The following RIC8B variants were observed in gnomAD, a reference collection of about 807,000 sequenced individuals.
The protein encoded by RIC8B is chaperone Ric-8B.
Under a neutral mutation model 57.5 loss-of-function variants are expected in RIC8B, and 16 were observed. The observed-to-expected ratio is 0.28, with a 90% CI of 0.19 to 0.42. The LOEUF (loss-of-function observed/expected upper bound fraction) is 0.42. RIC8B is among the 10% of genes least tolerant of loss of function. RIC8B has a pLI of 1.00. For missense variants in RIC8B, 481 were observed against 677.0 expected (o/e 0.71, Z 3.21); for synonymous variants, 216 against 250.8 (o/e 0.86, Z 1.31).
At chr12:106,849,942 T>TAGGGCAGGGGTCCCCAACCC (rs1267489593) in intron 6 of RIC8B, among the ~76,000 whole-genome samples, 2 of 152,212 alleles carry the variant, frequency 1.3e-5, no homozygotes, top group Non-Finnish European at 1.5e-5. Context: ...AGATATAATT[T>TAGGGCAGGGGTCCCCAACCC]AGGGCAGGGG....
chr12:106,813,509 A>G (rs2045434123), intron 2 of RIC8B, among the ~76,000 whole-genome samples: 1 of 152,124 alleles, frequency 6.6e-6, no homozygotes, highest in Non-Finnish European at 1.5e-5. Context: ...ATTTTATATA[A>G]GAGACTTGAG....
Position 106,774,694 on chromosome 12 carries a change from A to G in RIC8B, c.-52A>G. ...GCGGGGGCGCGAGGCGTTTACCTGG[A>G]GGCAGCGGCTTGGGCGCGCAGAGCG... On this transcript the variant is annotated 5_prime_UTR_variant, in exon 1 of 10. Coordinates refer to ENST00000392837, the MANE Select transcript of RIC8B (RefSeq NM_001330145.2). 2 of 1,454,624 alleles carry G rather than the reference A, an allele frequency of 1.4e-6. No homozygotes were observed. The highest frequency in any genetic ancestry group is 1.9e-6 in the Non-Finnish European group (2 of 1,062,748). The allele number at this position is 1,454,624 out of a possible 1,614,324, so 90.1% of individuals were successfully genotyped here.
chr12:106,879,535 A>G lies in RIC8B; in HGVS notation c.1572-6369A>G, dbSNP rs1950826939. 1.1e-5 allele frequency: 10 copies of G among 937,922 alleles called. No homozygotes were observed. Among genetic ancestry groups the G allele is most frequent in the South Asian group, 4.9e-5 (1 of 20,326 alleles). 58.1% of individuals were successfully genotyped at this position (937,922 alleles called of 1,614,324 possible). A position where few individuals can be genotyped will look rare whatever the true frequency, so the allele number is the denominator to read the frequency against. On this transcript the variant is annotated intron_variant, in intron 9 of 9. Coordinates refer to ENST00000392837, the MANE Select transcript of RIC8B (RefSeq NM_001330145.2). The surrounding 1 kb of genome is among the most constrained non-coding windows in gnomAD (Gnocchi z 4.9). ...CAGGAAAATGTTAAAATATATCTGG[A>G]AAAAAAAAACAGACCAGAATATTTT...
At chr12:106,846,433 A>G (rs896903032) in intron 6 of RIC8B, among the ~76,000 whole-genome samples, 1 of 152,166 alleles carries the variant, frequency 6.6e-6, no homozygotes, top group Non-Finnish European at 1.5e-5. Flanking sequence ...AAACACTAAT[A>G]GGTAGTGCTG....
intron 4 of RIC8B, among the ~76,000 whole-genome samples, chr12:106,842,132 G>GTT (rs1948980291): frequency 6.6e-6 from 1 of 152,086 alleles, no homozygotes. Flanking sequence ...ACCATATTTG[G>GTT]TTTATTGTTG....
At chr12:106,795,949 T>A (rs1181550951) in intron 2 of RIC8B, among the ~76,000 whole-genome samples, 1 of 152,186 alleles carries the variant, frequency 6.6e-6, no homozygotes. Flanking sequence ...ACTAAGGACA[T>A]AACTCATACT....
chr12:106,808,129 G>A (rs1361866254), intron 2 of RIC8B, among the ~76,000 whole-genome samples: 1 of 150,674 alleles, frequency 6.6e-6, no homozygotes, highest in African/African-American at 2.4e-5. Flanking sequence ...CCAAAACAAT[G>A]ATATAACAGT....
rs559303821 is a variant in RIC8B at position 106,861,290 on chromosome 12, A to G, written c.1451+878A>G. Among the ~76,000 whole-genome samples the G allele has an allele frequency of 6.6e-5, 10 of 152,060 alleles. No individual in the cohort carries two copies. In the East Asian group the frequency reaches 7.8e-4, roughly 12 times the overall value. On this transcript the variant is annotated intron_variant, in intron 8 of 9. Transcript: ENST00000392837. Reference sequence around the variant, plus strand: ...TCTGGAGTGTGATGTGGATCATGCAATAGGTGTTCGAGGATAGACTATCTT... The same window carrying G: ...TCTGGAGTGTGATGTGGATCATGCAGTAGGTGTTCGAGGATAGACTATCTT...
At chr12:106,822,904 T>C (rs1350615662) in intron 3 of RIC8B, 3 of 153,350 alleles carry the variant, frequency 2.0e-5, no homozygotes, top group Admixed American at 1.9e-4. Context: ...GCAACCAAAA[T>C]ACTAACCTGT....
At chr12:106,790,153 T>G (rs925803645) in intron 2 of RIC8B, among the ~76,000 whole-genome samples, 1 of 152,144 alleles carries the variant, frequency 6.6e-6, no homozygotes, top group Non-Finnish European at 1.5e-5. Flanking sequence ...ACACCACTAG[T>G]TAGTGGTTCA....
intron 8 of RIC8B, among the ~76,000 whole-genome samples, chr12:106,863,029 C>G (rs1329604248): frequency 6.6e-6 from 1 of 152,104 alleles, no homozygotes; most frequent in Non-Finnish European, 1.5e-5. Flanking sequence ...AACCAAATTT[C>G]TAAATTCTAA....
intron 2 of RIC8B, among the ~76,000 whole-genome samples, chr12:106,795,404 T>A (rs2044434739): frequency 6.6e-6 from 1 of 151,936 alleles, no homozygotes; most frequent in Non-Finnish European, 1.5e-5. Flanking sequence ...CTCTCTCTAG[T>A]GAGAGAGAGG....
chr12:106,850,309 C>A lies in RIC8B; in HGVS notation c.1162-1141C>A, dbSNP rs1949410350. ...ATCAGGATGCAGAGACTATAAAAAG[C>A]CATAAAACTGGATTAGATCACAAAT... On this transcript the variant is annotated intron_variant, in intron 6 of 9. Transcript: ENST00000392837. 2.0e-5 allele frequency among the ~76,000 whole-genome samples: 3 copies of A among 152,094 alleles called. No individual in the cohort carries two copies. In the South Asian group the frequency reaches 6.2e-4, roughly 32 times the overall value.
At chr12:106,845,647 T>C (rs1455917922) in intron 6 of RIC8B, among the ~76,000 whole-genome samples, 1 of 152,154 alleles carries the variant, frequency 6.6e-6, no homozygotes, top group Non-Finnish European at 1.5e-5. Context: ...CAAACACATC[T>C]TTCATCTTAA....
At chr12:106,810,314 A>G (rs1311290079) in intron 2 of RIC8B, among the ~76,000 whole-genome samples, 1 of 151,340 alleles carries the variant, frequency 6.6e-6, no homozygotes, top group Admixed American at 6.6e-5. Context: ...AAGAAAGAAA[A>G]GAAAGTCACA....
intron 1 of RIC8B, among the ~76,000 whole-genome samples, chr12:106,783,211 T>C (rs1351346969): frequency 6.6e-6 from 1 of 152,216 alleles, no homozygotes; most frequent in East Asian, 1.9e-4. Context: ...TAATATTTAC[T>C]GAGTATTGCT....
At chr12:106,848,023 T>TA (rs1445201504) in intron 6 of RIC8B, among the ~76,000 whole-genome samples, 1 of 151,952 alleles carries the variant, frequency 6.6e-6, no homozygotes, top group Non-Finnish European at 1.5e-5. Context: ...TGACAAGTGC[T>TA]ATGAGAGAGG....
chr12:106,872,609 G>C (rs1157166995), intron 9 of RIC8B, among the ~76,000 whole-genome samples: 4 of 151,022 alleles, frequency 2.6e-5, no homozygotes, highest in African/African-American at 9.8e-5. Context: ...CGGAGGTTGC[G>C]GTGAACCAAG....
At chr12:106,777,773 C>G (rs1176221153) in intron 1 of RIC8B, among the ~76,000 whole-genome samples, 1 of 152,176 alleles carries the variant, frequency 6.6e-6, no homozygotes, top group Non-Finnish European at 1.5e-5. Flanking sequence ...TCACCATTCT[C>G]TTAAATTATT....
Sources: gnomAD v4.1 joint callset for allele counts (sites outside exome capture counted in the v4.1 genomes callset) on GRCh38, gnomAD v4.1.1 for gene constraint, Gnocchi (gnomAD v3.1) non-coding constraint, MANE v1.5 for transcripts, NCBI Gene and HGNC (gene_info 2026-07-23, HGNC 2026-07-21) for gene names.